Variants in MYO16 observed in about 807,000 individuals in gnomAD.
The protein encoded by MYO16 is myosin XVI.
A neutral mutation model predicts 205.3 loss-of-function variants in MYO16; 94 were observed. The observed-to-expected ratio is 0.46, with a 90% CI of 0.39 to 0.54. The LOEUF is 0.54. Among genes scored for constraint, MYO16 ranks in the 20% least tolerant of loss-of-function variants. MYO16 has a pLI of 0.00. For synonymous variants in MYO16, 988 were observed against 954.0 expected (o/e 1.04, Z -0.66); for missense variants, 2,315 against 2,387.5 (o/e 0.97, Z 0.63).
At chr13:108,850,777 AG>A in intron 10 of MYO16, among the ~76,000 whole-genome samples, 1 of 152,208 alleles carries the variant, frequency 6.6e-6, no homozygotes, top group East Asian at 1.9e-4. Flanking sequence ...GAGAAATGCA[AG>A]GAACTCTTCC....
At chr13:108,609,703 A>C (rs149346418) in intron 1 of MYO16, among the ~76,000 whole-genome samples, 2 of 152,348 alleles carry the variant, frequency 1.3e-5, no homozygotes, top group East Asian at 3.9e-4. Context: ...AATTTTATAC[A>C]GAGATTTATT....
At chr13:108,772,408 C>T (rs967216801) in intron 4 of MYO16, among the ~76,000 whole-genome samples, 5 of 152,052 alleles carry the variant, frequency 3.3e-5, no homozygotes, top group African/African-American at 1.2e-4. Flanking sequence ...TCCAAAGTGC[C>T]TGTACCATTT....
intron 4 of MYO16, among the ~76,000 whole-genome samples, chr13:108,771,281 A>G (rs1371909278): frequency 1.3e-5 from 2 of 152,134 alleles, no homozygotes; most frequent in African/African-American, 4.8e-5. Flanking sequence ...TAAGCATAAA[A>G]CATCCACTCA....
At chr13:109,057,496 C>G (rs1887450758) in intron 27 of MYO16, among the ~76,000 whole-genome samples, 1 of 151,952 alleles carries the variant, frequency 6.6e-6, no homozygotes, top group African/African-American at 2.4e-5. Flanking sequence ...GGATATAATA[C>G]TTCTGGGGGT....
chr13:108,728,519 T>C (rs1394153968), intron 4 of MYO16, among the ~76,000 whole-genome samples: 3 of 152,124 alleles, frequency 2.0e-5, no homozygotes, highest in African/African-American at 7.2e-5. Flanking sequence ...AGGGCCGTGC[T>C]CCCCCTGTAG....
chr13:108,956,368 T>C (rs1883348121), intron 16 of MYO16, among the ~76,000 whole-genome samples: 1 of 152,108 alleles, frequency 6.6e-6, no homozygotes, highest in Admixed American at 6.5e-5. Context: ...GGCCTCTCAC[T>C]GGGCCACACA....
chr13:109,055,183 G>A lies in MYO16; in HGVS notation c.3129+57G>A. ...ATGTATGTTTATAGCAACTAAAGAG[G>A]GTTTATGTAGACTTTTTTTTCCATT... is the stretch of plus-strand genomic sequence containing the variant. On this transcript the variant is annotated intron_variant, in intron 26 of 34. Transcript: ENST00000457511. This position sits in a 1 kb window ranked among gnomAD's most constrained non-coding sequence, Gnocchi z 5.0. 3 of 1,386,396 alleles carry A rather than the reference G, an allele frequency of 2.2e-6. No individual in the cohort carries two copies. Among genetic ancestry groups the A allele is most frequent in the Non-Finnish European group, 3.0e-6 (3 of 1,009,220 alleles). 85.9% of individuals were successfully genotyped at this position (1,386,396 alleles called of 1,614,324 possible).
intron 3 of MYO16, among the ~76,000 whole-genome samples, chr13:108,714,615 T>A (rs1203100179): frequency 7.0e-6 from 1 of 142,882 alleles, no homozygotes; most frequent in Non-Finnish European, 1.5e-5. Context: ...TGTGTGTGTA[T>A]ATATATAGAG....
the MYO16 span, among the ~76,000 whole-genome samples, chr13:108,528,378 T>G: frequency 2.7e-3 from 407 of 152,250 alleles, 3 homozygotes; most frequent in African/African-American, 9.1e-3. Flanking sequence ...TGACAAACGT[T>G]AGGTCTGATG....
At chr13:109,010,976 T>TATATATATATATATA (rs59979915) in intron 22 of MYO16, among the ~76,000 whole-genome samples, 20 of 143,128 alleles carry the variant, frequency 1.4e-4, no homozygotes, top group Non-Finnish European at 2.1e-4. Context: ...TATATATATA[T>TATATATATATATATA]TTCTTCACCT....
At chr13:108,947,239 G>A (rs1882972369) in intron 16 of MYO16, among the ~76,000 whole-genome samples, 1 of 152,194 alleles carries the variant, frequency 6.6e-6, no homozygotes, top group Non-Finnish European at 1.5e-5. Context: ...TGGTGCTGTG[G>A]ACATGGCCTT....
intron 4 of MYO16, among the ~76,000 whole-genome samples, chr13:108,745,526 C>A (rs748154769): frequency 6.6e-5 from 10 of 152,112 alleles, no homozygotes; most frequent in Non-Finnish European, 1.3e-4. Context: ...AGTCTGGCTT[C>A]TAGAGTTACA....
intron 23 of MYO16, among the ~76,000 whole-genome samples, chr13:109,036,712 A>G (rs1886728956): frequency 1.3e-5 from 2 of 152,236 alleles, no homozygotes; most frequent in African/African-American, 4.8e-5. Context: ...TCGCATGAAT[A>G]TAAATTTCTC....
chr13:108,618,931 C>T (rs1054403429), intron 1 of MYO16, among the ~76,000 whole-genome samples: 3 of 152,110 alleles, frequency 2.0e-5, no homozygotes, highest in South Asian at 2.1e-4. Context: ...GCAACCACCA[C>T]GAGATCAAAA....
At chr13:108,888,316 C>A (rs984850700) in intron 13 of MYO16, 56 bp from the exon 14 acceptor site, 3 of 1,261,142 alleles carry the variant, frequency 2.4e-6, no homozygotes, top group African/African-American at 1.5e-5. Context: ...AACAAAGGAA[C>A]AAGCTTTGAA....
chr13:109,059,373 G>T (rs575454503), intron 27 of MYO16, among the ~76,000 whole-genome samples: 22 of 152,140 alleles, frequency 1.4e-4, no homozygotes, highest in Non-Finnish European at 2.9e-4. Context: ...GTGTTAGCAG[G>T]CATGAAAACA....
At chr13:108,979,617 A>G (rs1884386360) in intron 20 of MYO16, among the ~76,000 whole-genome samples, 1 of 152,078 alleles carries the variant, frequency 6.6e-6, no homozygotes, top group Non-Finnish European at 1.5e-5. Context: ...AAACTACACA[A>G]TTTAGCAAAT....
At chr13:108,750,628 A>AG (rs986984351) in intron 4 of MYO16, among the ~76,000 whole-genome samples, 2 of 151,088 alleles carry the variant, frequency 1.3e-5, no homozygotes, top group African/African-American at 4.9e-5. Flanking sequence ...AAAAAAAAAA[A>AG]AAAGAAAGAA....
intron 2 of MYO16, among the ~76,000 whole-genome samples, chr13:108,684,452 TTG>T (rs1380731831): frequency 6.6e-6 from 1 of 152,182 alleles, no homozygotes; most frequent in Non-Finnish European, 1.5e-5. Flanking sequence ...ATATCTCTTA[TTG>T]TGTGTGTATA....
Sources: allele counts gnomAD v4.1 joint callset (sites outside exome capture counted in the v4.1 genomes callset), GRCh38; gene constraint gnomAD v4.1.1; non-coding constraint Gnocchi (gnomAD v3.1); transcripts MANE v1.5; gene names NCBI Gene and HGNC (gene_info 2026-07-23, HGNC 2026-07-21).